The following LSM14A variants were observed in gnomAD, a reference collection of about 807,000 sequenced individuals.
LSM14A encodes LSM14A mRNA processing body assembly factor.
Under a neutral mutation model 52.4 loss-of-function variants are expected in LSM14A, and 14 were observed. The observed-to-expected ratio is 0.27, with a 90% confidence interval of 0.18 to 0.42. The LOEUF is 0.42. Ranked by LOEUF, LSM14A falls within the 10% of genes least tolerant of loss-of-function variation. The probability of loss-of-function intolerance (pLI) is 1.00; values close to 1 mark genes in which losing one functional copy is unlikely to be tolerated. For missense variants in LSM14A, 417 were observed against 581.8 expected (o/e 0.72, Z 2.91); for synonymous variants, 185 against 200.3 (o/e 0.92, Z 0.64).
chr19:34,200,434 T>C (rs959953508), intron 3 of LSM14A, among the ~76,000 whole-genome samples: 1 of 152,242 alleles, frequency 6.6e-6, no homozygotes, highest in Admixed American at 6.5e-5. Flanking sequence ...TTGTTAATTT[T>C]CTGGTTAATC....
At chr19:34,204,744 A>T (rs540367230) in intron 3 of LSM14A, among the ~76,000 whole-genome samples, 215 of 152,286 alleles carry the variant, frequency 1.4e-3, no homozygotes, top group Non-Finnish European at 2.5e-3. Context: ...AATTAAAAAA[A>T]TTTTATTTTC....
chr19:34,192,784 G>C (rs184070102), intron 1 of LSM14A, among the ~76,000 whole-genome samples: 198 of 151,856 alleles, frequency 1.3e-3, no homozygotes, highest in African/African-American at 4.4e-3. Flanking sequence ...AGACCAGTCT[G>C]GCCAACATAG....
At chr19:34,194,064 G>A (rs940561172) in intron 1 of LSM14A, among the ~76,000 whole-genome samples, 4 of 152,076 alleles carry the variant, frequency 2.6e-5, no homozygotes, top group African/African-American at 7.2e-5. Flanking sequence ...TCCCAGCTAC[G>A]TGGGAGGTTG....
intron 9 of LSM14A, chr19:34,226,560 C>A (rs1259836703): frequency 2.9e-6 from 3 of 1,046,872 alleles, no homozygotes; most frequent in South Asian, 3.4e-5. Context: ...TATGCCATAC[C>A]ATATGTATTT....
intron 1 of LSM14A, among the ~76,000 whole-genome samples, chr19:34,193,044 A>C (rs1599676965): frequency 6.6e-6 from 1 of 152,194 alleles, no homozygotes; most frequent in Non-Finnish European, 1.5e-5. Flanking sequence ...TTTAAATGAA[A>C]TATGATGTTT....
Position 34,227,246 on chromosome 19 carries a change from A to G in LSM14A, c.1369-119A>G, listed in dbSNP as rs189162931. 155 of 706,360 alleles carry G rather than the reference A, an allele frequency of 2.2e-4. 2 individuals carry two copies. The Admixed American group carries it at 4.1e-3, about 19-fold the overall frequency. 43.8% of individuals were successfully genotyped at this position (706,360 alleles called of 1,614,324 possible). On this transcript the variant is annotated intron_variant, in intron 9 of 9. Coordinates refer to ENST00000544216, the MANE Select transcript of LSM14A (RefSeq NM_015578.4). Reference sequence around the variant, plus strand: ...GGAAATGAGTGAGACAGGTTTTTCTATGAAAGTAAAAGTGGGGGAGTATAT... The same window carrying G: ...GGAAATGAGTGAGACAGGTTTTTCTGTGAAAGTAAAAGTGGGGGAGTATAT...
At chr19:34,189,582 A>G (rs1033980132) in intron 1 of LSM14A, among the ~76,000 whole-genome samples, 2 of 152,186 alleles carry the variant, frequency 1.3e-5, no homozygotes, top group African/African-American at 2.4e-5. Flanking sequence ...CAAAATGAAT[A>G]CTAGAATAAC....
At chr19:34,223,824 T>G (rs1331305066) in intron 9 of LSM14A, among the ~76,000 whole-genome samples, 1 of 152,224 alleles carries the variant, frequency 6.6e-6, no homozygotes, top group Non-Finnish European at 1.5e-5. Flanking sequence ...TAGTATGACC[T>G]TTCAGACCCT....
chr19:34,202,863 T>C (rs2071402951), intron 3 of LSM14A, among the ~76,000 whole-genome samples: 1 of 152,112 alleles, frequency 6.6e-6, no homozygotes, highest in Non-Finnish European at 1.5e-5. Context: ...TTCACCGTGT[T>C]AGCCAGGATG....
At chr19:34,198,954 T>C (rs1442618613) in intron 3 of LSM14A, among the ~76,000 whole-genome samples, 1 of 151,468 alleles carries the variant, frequency 6.6e-6, no homozygotes, top group Non-Finnish European at 1.5e-5. Context: ...ACCACTGCAC[T>C]CCAGCCTGGG....
At position 34,219,469 on chromosome 19, in the gene LSM14A, A is replaced by T. The variant is rs2072906440; in HGVS notation, c.860A>T (p.Asp287Val). The T allele has an allele frequency of 6.2e-7, 1 of 1,613,982 alleles. No individual in the cohort carries two copies. The highest frequency in any genetic ancestry group is 1.3e-5 in the African/African-American group (1 of 74,916). The change falls in exon 7 of 10, where the codon GAT (aspartate) becomes GTT (valine). Residue 287 changes from aspartate (D) to valine (V), a missense_variant. Physicochemically the swap from Asp to Val is radical, Grantham distance 152. This residue lies in a region of LSM14A where 357 missense variants were observed against 457.0 expected (regional missense o/e 0.78). Coordinates refer to ENST00000544216, the MANE Select transcript of LSM14A (RefSeq NM_015578.4). ...AGGGGAAGATTTGGTATTCGGCGAG[A>T]TGGGCCAATGAAATTTGAGAAAGAC... ...GGRGRFGIRR[D>V]GPMKFEKDFD... is the part of the protein sequence containing the mutation.
chr19:34,221,928 A>G, intron 9 of LSM14A, 190 bp downstream of exon 9: 1 of 1,188,440 alleles, frequency 8.4e-7, no homozygotes, highest in Non-Finnish European at 1.1e-6. Context: ...AAGACAGTAT[A>G]GTATCACCTT....
intron 4 of LSM14A, among the ~76,000 whole-genome samples, chr19:34,211,848 C>T (rs1211477727): frequency 6.6e-6 from 1 of 151,614 alleles, no homozygotes; most frequent in East Asian, 1.9e-4. Flanking sequence ...AAATTTATTG[C>T]AAATTAATTA....
chr19:34,188,376 A>G (rs1179843421), intron 1 of LSM14A, among the ~76,000 whole-genome samples: 2 of 152,110 alleles, frequency 1.3e-5, no homozygotes, highest in Admixed American at 6.6e-5. Flanking sequence ...TAGTTTCCCC[A>G]TTCTCCCCAA....
chr19:34,221,706 G>A lies in LSM14A; in HGVS notation c.1336G>A (p.Gly446Arg). The change falls in exon 9 of 10, where the codon GGG (glycine) becomes AGG (arginine). Residue 446 changes from glycine to arginine, a missense_variant. Coordinates refer to ENST00000544216, the MANE Select transcript of LSM14A (RefSeq NM_015578.4). Reference sequence around the variant, plus strand: ...TCGCGGTGGATTCAGAGGAGGTCGTGGGGGCCGGGAGTTTGCGGATTTTGA... The same window carrying A: ...TCGCGGTGGATTCAGAGGAGGTCGTAGGGGCCGGGAGTTTGCGGATTTTGA... ...GFRGGFRGGR[G>R]GREFADFEYR... The A allele has an allele frequency of 6.2e-7, 1 of 1,613,844 alleles. No individual in the cohort carries two copies. The highest frequency in any genetic ancestry group is 8.5e-7 in the Non-Finnish European group (1 of 1,179,778).
chr19:34,177,629 G>A (rs574789866), intron 1 of LSM14A, among the ~76,000 whole-genome samples: 1 of 152,300 alleles, frequency 6.6e-6, no homozygotes, highest in East Asian at 1.9e-4. Context: ...ACTCAGGCCT[G>A]TAATCCCAAC....
At chr19:34,190,469 C>T (rs553337117) in intron 1 of LSM14A, among the ~76,000 whole-genome samples, 9 of 151,692 alleles carry the variant, frequency 5.9e-5, no homozygotes, top group Admixed American at 3.3e-4. Flanking sequence ...ATTTCCAAGA[C>T]CCATAGTAGA....
intron 6 of LSM14A, among the ~76,000 whole-genome samples, chr19:34,216,607 G>C (rs1382760509): frequency 6.6e-6 from 1 of 151,802 alleles, no homozygotes; most frequent in South Asian, 2.1e-4. Context: ...TTACAGCCGC[G>C]TGCCACCATA....
rs1568507404 is a variant in LSM14A, at chr19:34,228,150, T to C, written c.*762T>C. 1 of 152,582 alleles carries C rather than the reference T, an allele frequency of 6.6e-6. No individual in the cohort carries two copies. Among genetic ancestry groups the C allele is most frequent in the Non-Finnish European group, 1.5e-5 (1 of 68,032 alleles). 9.5% of individuals were successfully genotyped at this position (152,582 alleles called of 1,614,324 possible). On this transcript the variant is annotated 3_prime_UTR_variant, in exon 10 of 10. Transcript: ENST00000544216. ...GCTGAGCAGCAGCCTTATGGGTGGG[T>C]CTTTTTTTCTTAGTTTTCCAGGCTT...
Sources: allele counts gnomAD v4.1 joint callset (sites outside exome capture counted in the v4.1 genomes callset), GRCh38; gene constraint gnomAD v4.1.1; regional missense constraint gnomAD v4.1.1; transcripts MANE v1.5; gene names NCBI Gene and HGNC (gene_info 2026-07-23, HGNC 2026-07-21).